The following CENPN variants were observed in gnomAD, a reference collection of about 807,000 sequenced individuals.
CENPN encodes interphase centromere complex protein 32.
Under a neutral mutation model 48.6 loss-of-function variants are expected in CENPN, and 36 were observed. That is an observed-to-expected ratio of 0.74 (90% CI 0.57 to 0.98). The LOEUF is 0.98. Ranked by LOEUF, CENPN falls within the 50% of genes least tolerant of loss-of-function variation. The probability of loss-of-function intolerance (pLI) is 0.00; values close to 1 mark genes in which losing one functional copy is unlikely to be tolerated. For synonymous variants in CENPN, 166 were observed against 135.2 expected, an observed-to-expected ratio of 1.23 and a Z score of -1.58; for missense variants, 439 against 399.2, an observed-to-expected ratio of 1.10 and a Z score of -0.85.
At position 81,029,285 on chromosome 16, in the gene CENPN, C is replaced by T; in HGVS notation, c.*634C>T. 1 of 913,006 alleles carries T rather than the reference C, an allele frequency of 1.1e-6. No homozygotes were observed. The highest frequency in any genetic ancestry group is 1.3e-6 in the Non-Finnish European group (1 of 764,186). The allele number at this position is 913,006 out of a possible 1,614,324, so 56.6% of individuals were successfully genotyped here. ...ACATTCAAACTGACAAATATATTGA[C>T]TTATGAATAAAGGTGTCAAAAAACT... On this transcript the variant is annotated 3_prime_UTR_variant, in exon 11 of 11. Coordinates refer to ENST00000305850, the MANE Select transcript of CENPN (RefSeq NM_001100624.3).
At chr16:81,022,992 T>A in intron 7 of CENPN, 1 of 972,598 alleles carries the variant, frequency 1.0e-6, no homozygotes, top group Non-Finnish European at 1.5e-6. Context: ...TAGAGAAACT[T>A]CACATTATCT....
chr16:81,009,830 C>A (rs1021108137), intron 1 of CENPN, among the ~76,000 whole-genome samples: 1 of 152,214 alleles, frequency 6.6e-6, no homozygotes, highest in Admixed American at 6.5e-5. Flanking sequence ...ATGCCAAGGT[C>A]TGTGTGTGCC....
chr16:81,011,936 A>G lies in CENPN; in HGVS notation c.-4A>G. On this transcript the variant is annotated 5_prime_UTR_variant, in exon 2 of 11. Transcript: ENST00000305850. ...TGTTTTTGTTTTGTAAAAGTGCCAA[A>G]GAGATGGATGAGACTGTTGCTGAGT... is the stretch of plus-strand genomic sequence containing the variant. 6.2e-7 allele frequency: 1 copy of G among 1,611,862 alleles called. No homozygotes were observed. The highest frequency in any genetic ancestry group is 2.2e-5 in the East Asian group (1 of 44,842).
chr16:81,031,893 G>A (rs1368042086), downstream of CENPN, among the ~76,000 whole-genome samples: 3 of 152,176 alleles, frequency 2.0e-5, no homozygotes, highest in Admixed American at 6.5e-5. Context: ...GTGAGCCTCA[G>A]TGCCCAGCCA....
At chr16:81,014,318 T>C in intron 3 of CENPN, 137 bp downstream of exon 3, 1 of 671,612 alleles carries the variant, frequency 1.5e-6, no homozygotes, top group Non-Finnish European at 2.7e-6. Context: ...CACCGCGACC[T>C]CTGCCTCCTG....
intron 7 of CENPN, chr16:81,023,108 A>T (rs1970292322): frequency 5.2e-6 from 2 of 380,980 alleles, no homozygotes; most frequent in East Asian, 1.2e-4. Context: ...AGGGAAAAGC[A>T]GTGGTTTTTT....
Position 81,028,291 on chromosome 16 carries a change from C to A in CENPN, c.931C>A (p.Pro311Thr). 6.2e-7 allele frequency: 1 copy of A among 1,614,080 alleles called. No homozygotes were observed. The highest frequency in any genetic ancestry group is 8.5e-7 in the Non-Finnish European group (1 of 1,179,962). The change falls in exon 10 of 11, where the codon CCA (proline) becomes ACA (threonine). Residue 311 changes from proline to threonine, a missense_variant. Coordinates refer to ENST00000305850, the MANE Select transcript of CENPN (RefSeq NM_001100624.3). Reference sequence around the variant, plus strand: ...TCTGGAAGCATTGAAATCCTTAGCACCAGCGGGTGAGTGGTCAGCTTACTC... The same window carrying A: ...TCTGGAAGCATTGAAATCCTTAGCAACAGCGGGTGAGTGGTCAGCTTACTC... Reference protein sequence around the residue: ...HLLEALKSLAPAGIADAPLSP... With the variant: ...HLLEALKSLATAGIADAPLSP...
chr16:81,017,427 T>C (rs371472854), intron 4 of CENPN, 42 bp downstream of exon 4: 3 of 1,387,648 alleles, frequency 2.2e-6, no homozygotes, highest in Admixed American at 3.4e-5. Context: ...ATAGTTTGGC[T>C]TGGACTCAGG....
At chr16:81,012,814 C>CA (rs1969796442) in intron 2 of CENPN, among the ~76,000 whole-genome samples, 1 of 152,198 alleles carries the variant, frequency 6.6e-6, no homozygotes, top group Non-Finnish European at 1.5e-5. Context: ...AGGTTGGTGT[C>CA]AAACTCCTGA....
chr16:81,018,299 G>C (rs1010478004), intron 5 of CENPN, among the ~76,000 whole-genome samples: 1 of 151,652 alleles, frequency 6.6e-6, no homozygotes, highest in African/African-American at 2.4e-5. Flanking sequence ...TCTGCCTCCC[G>C]AGTAGCTGGG....
At chr16:81,009,907 C>G (rs1447966207) in intron 1 of CENPN, among the ~76,000 whole-genome samples, 1 of 152,176 alleles carries the variant, frequency 6.6e-6, no homozygotes, top group Non-Finnish European at 1.5e-5. Flanking sequence ...GTATAAAAAT[C>G]ATGTTTGCAG....
intron 10 of CENPN, 97 bp downstream of exon 10, chr16:81,028,394 C>T (rs1403246114): frequency 2.0e-6 from 3 of 1,511,662 alleles, no homozygotes; most frequent in Non-Finnish European, 2.7e-6. Flanking sequence ...CACCCATCAC[C>T]CTAGTCTGCT....
intron 2 of CENPN, 38 bp downstream of exon 2, chr16:81,012,148 C>A: frequency 1.3e-6 from 2 of 1,580,396 alleles, no homozygotes; most frequent in Non-Finnish European, 1.7e-6. Flanking sequence ...GAACAGAGTG[C>A]TACCCCCTTG....
rs756676849 is a variant in CENPN at position 81,028,648 on chromosome 16, A to G, written c.1017A>G (p.Lys339=). The G allele has an allele frequency of 1.9e-5, 31 of 1,611,094 alleles. 1 individual carries two copies. In the Admixed American group the frequency reaches 5.2e-4, roughly 27 times the overall value. Residue 339 remains lysine (K), a synonymous_variant, in exon 11 of 11, where the codon AAA becomes AAG. Transcript: ENST00000305850. The part of the protein sequence containing the change: ...KRMNYFKIRD[K] The stretch of plus-strand genomic sequence containing the variant: ...TGAATTATTTTAAAATTAGAGATAA[A>G]TAAGACGTGCGTGGTTTCTTAAGCA...
intron 9 of CENPN, 23 bp from the exon 10 acceptor site, chr16:81,028,148 C>T: frequency 6.5e-7 from 1 of 1,535,392 alleles, no homozygotes; most frequent in Non-Finnish European, 9.0e-7. Context: ...GTTTAATAGT[C>T]ATTTATAAAT....
intron 1 of CENPN, among the ~76,000 whole-genome samples, chr16:81,008,064 G>C (rs201761103): frequency 6.6e-6 from 1 of 152,000 alleles, no homozygotes; most frequent in East Asian, 1.9e-4. Context: ...CCGAGATCGC[G>C]CCACTGCACT....
chr16:81,021,781 G>A (rs1394452328), intron 6 of CENPN, among the ~76,000 whole-genome samples: 1 of 150,836 alleles, frequency 6.6e-6, no homozygotes, highest in African/African-American at 2.4e-5. Flanking sequence ...TTGAGACAGG[G>A]TCTCACTCTG....
In CENPN at chr16:81,022,613, G is replaced by C. The variant is rs771258514; in HGVS notation, c.548G>C (p.Ser183Thr). 5 of 1,613,904 alleles carry C rather than the reference G, an allele frequency of 3.1e-6. No individual in the cohort carries two copies. Among genetic ancestry groups the C allele is most frequent in the Non-Finnish European group, 4.2e-6 (5 of 1,179,970 alleles). The change falls in exon 7 of 11, where the codon AGC becomes ACC. Residue 183 changes from serine to threonine, a missense_variant. Coordinates refer to ENST00000305850, the MANE Select transcript of CENPN (RefSeq NM_001100624.3). ...CATTTCAAGGCGCTGACAATTGCTAGCAAACACCATCAGATTGTGAAAATG... is the reference window on the plus strand; with the variant it reads ...CATTTCAAGGCGCTGACAATTGCTACCAAACACCATCAGATTGTGAAAATG... ...PLLGQALTIA[S>T]KHHQIVKMDL...
Position 81,029,975 on chromosome 16 carries a change from A to T in CENPN, c.*1324A>T, listed in dbSNP as rs999473031. Reference sequence around the variant, plus strand: ...CAGGGAGGCCTCACAATCATGGTGGAAGGCAAATGAGAAGCAAAGTCATGT... The same window carrying T: ...CAGGGAGGCCTCACAATCATGGTGGTAGGCAAATGAGAAGCAAAGTCATGT... On this transcript the variant is annotated 3_prime_UTR_variant, in exon 11 of 11. Coordinates refer to ENST00000305850, the MANE Select transcript of CENPN (RefSeq NM_001100624.3). Among the ~76,000 whole-genome samples, 2 of 152,254 alleles carry T rather than the reference A, an allele frequency of 1.3e-5. No homozygotes were observed. Among genetic ancestry groups the T allele is most frequent in the African/African-American group, 4.8e-5 (2 of 41,472 alleles).
Sources: gnomAD v4.1 joint callset for allele counts (sites outside exome capture counted in the v4.1 genomes callset) on GRCh38, gnomAD v4.1.1 for gene constraint, MANE v1.5 for transcripts, NCBI Gene and HGNC (gene_info 2026-07-23, HGNC 2026-07-21) for gene names.